Variants in ALG5 observed in about 807,000 individuals in gnomAD.
ALG5 encodes dolichyl-phosphate beta-glucosyltransferase.
A neutral mutation model predicts 51.8 loss-of-function variants in ALG5; 26 were observed. The observed-to-expected ratio is 0.50, with a 90% CI of 0.37 to 0.70. The LOEUF is 0.70. Among genes scored for constraint, ALG5 ranks in the 30% least tolerant of loss-of-function variants. ALG5 has a pLI of 0.00. For missense variants in ALG5, 311 were observed against 399.3 expected (o/e 0.78, Z 1.88); for synonymous variants, 141 against 136.1 (o/e 1.04, Z -0.25).
chr13:36,977,315 A>G (rs560067137), intron 6 of ALG5, among the ~76,000 whole-genome samples: 1 of 152,284 alleles, frequency 6.6e-6, no homozygotes, highest in Non-Finnish European at 1.5e-5. Context: ...TGAATTTCCC[A>G]TGGTTTTTTA....
At position 36,972,049 on chromosome 13, in the gene ALG5, G is replaced by A; in HGVS notation, c.562-13C>T. 1 of 1,578,862 alleles carries A rather than the reference G, an allele frequency of 6.3e-7. No individual in the cohort carries two copies. The highest frequency in any genetic ancestry group is 1.2e-5 in the South Asian group (1 of 83,284). Reference sequence around the variant, plus strand: ...TAGCCATTTGATTCTGAGGGAAAAAGCAGAGATAGTTTTTCAATATTTAAA... The same window carrying A: ...TAGCCATTTGATTCTGAGGGAAAAAACAGAGATAGTTTTTCAATATTTAAA... On this transcript the variant is annotated splice_polypyrimidine_tract_variant and intron_variant, in intron 6 of 9. Transcript: ENST00000239891.
At position 36,992,557 on chromosome 13, in the gene ALG5, T is replaced by C. The variant is rs114857012; in HGVS notation, c.354+1047A>G. On this transcript the variant is annotated intron_variant, in intron 4 of 9. Coordinates refer to ENST00000239891, the MANE Select transcript of ALG5 (RefSeq NM_013338.5). ...GGATGCACAATGAAGCTTTACAGCA[T>C]GGCCTTTAGTATACAGGGCAGCAGC... 4.8e-3 allele frequency among the ~76,000 whole-genome samples: 725 copies of C among 152,326 alleles called. 6 individuals are homozygous for C. Among genetic ancestry groups the C allele is most frequent in the African/African-American group, 0.016 (680 of 41,572 alleles).
chr13:36,998,254 C>G (rs914552934), intron 1 of ALG5, among the ~76,000 whole-genome samples: 2 of 152,064 alleles, frequency 1.3e-5, no homozygotes, highest in African/African-American at 4.8e-5. Flanking sequence ...CTTGAAAAAA[C>G]AAAAAAGCCC....
intron 6 of ALG5, among the ~76,000 whole-genome samples, chr13:36,984,078 A>G (rs1047518305): frequency 6.6e-6 from 1 of 151,438 alleles, no homozygotes; most frequent in Non-Finnish European, 1.5e-5. Context: ...TTTTGGTCTC[A>G]ATTTGTTTCC....
intron 8 of ALG5, 47 bp from the exon 9 acceptor site, chr13:36,952,646 C>T: frequency 1.7e-6 from 2 of 1,147,876 alleles, no homozygotes; most frequent in Non-Finnish European, 1.2e-6. Context: ...ACAAATAGAA[C>T]ACAACTACAT....
At chr13:36,961,330 G>A (rs1461108728) in intron 8 of ALG5, among the ~76,000 whole-genome samples, 1 of 152,078 alleles carries the variant, frequency 6.6e-6, no homozygotes, top group Non-Finnish European at 1.5e-5. Flanking sequence ...TGGGAGGATC[G>A]CCTAAGGCCA....
At chr13:36,997,743 G>C (rs1228532311) in intron 1 of ALG5, among the ~76,000 whole-genome samples, 1 of 152,170 alleles carries the variant, frequency 6.6e-6, no homozygotes, top group Admixed American at 6.5e-5. Context: ...AATAAATGCT[G>C]AGGATTTAAA....
intron 8 of ALG5, among the ~76,000 whole-genome samples, chr13:36,953,998 CTT>C (rs1278424838): frequency 2.0e-5 from 3 of 151,930 alleles, no homozygotes; most frequent in East Asian, 3.9e-4. Context: ...TAGCTAGTGA[CTT>C]ATCAAATACA....
intron 1 of ALG5, among the ~76,000 whole-genome samples, chr13:36,998,557 T>C (rs1466548760): frequency 6.6e-6 from 1 of 152,132 alleles, no homozygotes; most frequent in Non-Finnish European, 1.5e-5. Context: ...TTACAATGTT[T>C]TTGTGTTTCG....
Position 36,971,974 on chromosome 13 carries a change from C to T in ALG5, c.621+3G>A, listed in dbSNP as rs373282060. 2.2e-5 allele frequency: 35 copies of T among 1,603,888 alleles called. No homozygotes were observed. Among genetic ancestry groups the T allele is most frequent in the Non-Finnish European group, 2.9e-5 (34 of 1,174,476 alleles). On this transcript the variant is annotated splice_donor_region_variant and intron_variant, in intron 7 of 9. Transcript: ENST00000239891. ...TGTCCCATGCCAATTAATGAAGTCT[C>T]ACCTGAGCAATTGATTCTTTTTCTA...
In ALG5 at chr13:36,977,790, C is replaced by CAAAAAAAAAAAAAAAAA. The variant is rs869027711; in HGVS notation, c.562-5771_562-5755dup. Among the ~76,000 whole-genome samples the CAAAAAAAAAAAAAAAAA allele has an allele frequency of 1.3e-4, 5 of 39,172 alleles. 2 individuals carry two copies. Among genetic ancestry groups the CAAAAAAAAAAAAAAAAA allele is most frequent in the African/African-American group, 6.7e-4 (5 of 7,424 alleles). The allele number at this position is 39,172 out of a possible 152,430, so 25.7% of individuals were successfully genotyped here. A position where few individuals can be genotyped will look rare whatever the true frequency, so the allele number is the denominator to read the frequency against. The stretch of plus-strand genomic sequence containing the variant: ...CTGGGCGACAGAGTGAGACTGTCTC[C>CAAAAAAAAAAAAAAAAA]AAAAAAAAAAAAAAAAAAAAAAAAC... On this transcript the variant is annotated intron_variant, in intron 6 of 9. Coordinates refer to ENST00000239891, the MANE Select transcript of ALG5 (RefSeq NM_013338.5).
At chr13:36,989,620 A>G in intron 4 of ALG5, 44 bp from the exon 5 acceptor site, 1 of 1,455,618 alleles carries the variant, frequency 6.9e-7, no homozygotes, top group Non-Finnish European at 9.6e-7. Flanking sequence ...ATTTGGATTA[A>G]AGAGAATTAT....
At position 36,972,431 on chromosome 13, in the gene ALG5, A is replaced by G. The variant is rs150301492; in HGVS notation, c.562-395T>C. On this transcript the variant is annotated intron_variant, in intron 6 of 9. Coordinates refer to ENST00000239891, the MANE Select transcript of ALG5 (RefSeq NM_013338.5). ...CTGAAAAACTACATTAGAAACAAAG[A>G]ATTTTAAAAGATGAGTAGTCACAAA... Among the ~76,000 whole-genome samples the G allele has an allele frequency of 2.0e-3, 303 of 152,302 alleles. 2 individuals carry two copies. Among genetic ancestry groups the G allele is most frequent in the African/African-American group, 6.8e-3 (281 of 41,578 alleles).
chr13:36,953,160 G>C lies in ALG5; in HGVS notation c.774-561C>G, dbSNP rs187249635. 2.4e-3 allele frequency among the ~76,000 whole-genome samples: 361 copies of C among 152,188 alleles called. 2 individuals carry two copies. Among genetic ancestry groups the C allele is most frequent in the African/African-American group, 8.2e-3 (340 of 41,534 alleles). On this transcript the variant is annotated intron_variant, in intron 8 of 9. Transcript: ENST00000239891. ...GCACAATATAATACTGGCAACTATT[G>C]AAAGTAAAAAGCTACTTTGGACTAG... is the stretch of plus-strand genomic sequence containing the variant.
chr13:36,994,413 C>T (rs2059039569), intron 3 of ALG5, among the ~76,000 whole-genome samples: 2 of 152,110 alleles, frequency 1.3e-5, no homozygotes, highest in African/African-American at 4.8e-5. Flanking sequence ...TTGTGTATTA[C>T]TTCTCTTCTC....
At chr13:36,969,144 A>C (rs2058909166) in intron 7 of ALG5, among the ~76,000 whole-genome samples, 1 of 152,218 alleles carries the variant, frequency 6.6e-6, no homozygotes, top group Non-Finnish European at 1.5e-5. Context: ...ACTAGGTAAA[A>C]GATTTAGACC....
intron 4 of ALG5, among the ~76,000 whole-genome samples, chr13:36,991,543 C>G (rs1300932541): frequency 1.3e-5 from 2 of 152,138 alleles, no homozygotes; most frequent in Non-Finnish European, 2.9e-5. Context: ...GCTGTTATGG[C>G]CCCAATAATG....
rs189786229 is a variant in ALG5, at chr13:36,996,024, C to T, written c.67-428G>A. Reference sequence around the variant, plus strand: ...GGAATCTATATGTGACAGGACAAGTCCATTTTGCAGTTGGAACATGCGGGG... The same window carrying T: ...GGAATCTATATGTGACAGGACAAGTTCATTTTGCAGTTGGAACATGCGGGG... On this transcript the variant is annotated intron_variant, in intron 1 of 9. Transcript: ENST00000239891. 2.0e-5 allele frequency among the ~76,000 whole-genome samples: 3 copies of T among 151,178 alleles called. No individual in the cohort carries two copies. In the East Asian group the frequency reaches 5.8e-4, roughly 29 times the overall value.
chr13:36,967,644 G>T (rs1450287044), intron 7 of ALG5: 1 of 392,470 alleles, frequency 2.5e-6, no homozygotes, highest in East Asian at 7.2e-5. Flanking sequence ...AGAATCATTA[G>T]TTATGGGTTG....
Sources: allele counts gnomAD v4.1 joint callset (sites outside exome capture counted in the v4.1 genomes callset), GRCh38; gene constraint gnomAD v4.1.1; transcripts MANE v1.5; gene names NCBI Gene and HGNC (gene_info 2026-07-23, HGNC 2026-07-21).